LRMDA: variants seen among roughly 807,000 people sequenced by gnomAD.
LRMDA encodes leucine-rich melanocyte differentiation-associated protein.
A neutral mutation model predicts 29.8 loss-of-function variants in LRMDA; 18 were observed. The ratio of observed to expected loss-of-function variants is 0.60; its 90% confidence interval spans 0.42 to 0.90. LRMDA has a LOEUF of 0.90. Ranked by LOEUF, LRMDA falls within the 40% of genes least tolerant of loss-of-function variation. The pLI is 0.00. For synonymous variants in LRMDA, 125 were observed against 109.4 expected, an observed-to-expected ratio of 1.14 and a Z score of -0.89; for missense variants, 273 against 273.9, an observed-to-expected ratio of 1.00 and a Z score of 0.02.
intron 6 of LRMDA, among the ~76,000 whole-genome samples, chr10:76,402,601 G>A (rs1305849002): frequency 6.6e-6 from 1 of 152,000 alleles, no homozygotes; most frequent in African/African-American, 2.4e-5. Flanking sequence ...CAATCCTCCC[G>A]CCTTGATCAC....
chr10:75,547,993 C>T (rs559134339), intron 2 of LRMDA, among the ~76,000 whole-genome samples: 6 of 152,004 alleles, frequency 3.9e-5, no homozygotes, highest in East Asian at 1.9e-4. Flanking sequence ...TTTTATCAAG[C>T]GCTCTCCTAA....
intron 2 of LRMDA, among the ~76,000 whole-genome samples, chr10:75,754,004 C>T (rs1156267730): frequency 1.3e-5 from 2 of 152,188 alleles, no homozygotes; most frequent in East Asian, 3.8e-4. Flanking sequence ...TGAATTACGG[C>T]TATGGGAAGG....
chr10:76,430,557 G>A (rs1399527881), intron 6 of LRMDA, among the ~76,000 whole-genome samples: 1 of 152,164 alleles, frequency 6.6e-6, no homozygotes, highest in Admixed American at 6.6e-5. Context: ...GATTTCTCCA[G>A]GCAGGCAGGA....
chr10:76,359,904 T>C (rs186989167), intron 6 of LRMDA, among the ~76,000 whole-genome samples: 1 of 152,330 alleles, frequency 6.6e-6, no homozygotes, highest in Admixed American at 6.5e-5. Context: ...CCTTTGCTCA[T>C]GTACCATCAT....
intron 2 of LRMDA, among the ~76,000 whole-genome samples, chr10:75,948,822 G>T (rs1028625881): frequency 3.3e-5 from 5 of 152,188 alleles, no homozygotes; most frequent in African/African-American, 9.6e-5. Context: ...TGATGTTGGT[G>T]TCCGGTTGGT....
chr10:76,249,536 A>T (rs1852435243), intron 5 of LRMDA, among the ~76,000 whole-genome samples: 1 of 152,236 alleles, frequency 6.6e-6, no homozygotes, highest in African/African-American at 2.4e-5. Flanking sequence ...CTTTCTTAAT[A>T]TTAGAATGGA....
intron 6 of LRMDA, among the ~76,000 whole-genome samples, chr10:76,512,485 C>A (rs1843018062): frequency 6.6e-6 from 1 of 152,142 alleles, no homozygotes; most frequent in Admixed American, 6.5e-5. Context: ...AAAAGAACAA[C>A]CTTTTCGACA....
intron 2 of LRMDA, among the ~76,000 whole-genome samples, chr10:75,570,809 G>A (rs1840429164): frequency 6.6e-6 from 1 of 152,118 alleles, no homozygotes; most frequent in African/African-American, 2.4e-5. Flanking sequence ...TAAAATGTGG[G>A]AATCATATTA....
intron 2 of LRMDA, among the ~76,000 whole-genome samples, chr10:75,928,042 ACATCAT>A (rs3042520): frequency 0.014 from 2,036 of 150,804 alleles, 55 homozygotes; most frequent in African/African-American, 0.045. Flanking sequence ...TTTTAGTTTA[ACATCAT>A]CATCATCATC....
At chr10:75,694,660 TC>T (rs887639163) in intron 2 of LRMDA, among the ~76,000 whole-genome samples, 3 of 152,056 alleles carry the variant, frequency 2.0e-5, no homozygotes, top group African/African-American at 7.2e-5. Context: ...TTCACTTATC[TC>T]CCCCCATCTG....
chr10:76,156,364 A>G (rs948044560), intron 5 of LRMDA, among the ~76,000 whole-genome samples: 20 of 152,184 alleles, frequency 1.3e-4, no homozygotes, highest in African/African-American at 4.1e-4. Flanking sequence ...CTTCTATGAA[A>G]AAAACCGACT....
At chr10:76,361,649 C>T (rs1841314283) in intron 6 of LRMDA, among the ~76,000 whole-genome samples, 1 of 152,134 alleles carries the variant, frequency 6.6e-6, no homozygotes, top group Non-Finnish European at 1.5e-5. Context: ...CCCTATTCTA[C>T]TCCAATATGT....
intron 6 of LRMDA, among the ~76,000 whole-genome samples, chr10:76,384,209 A>T (rs985747105): frequency 6.6e-6 from 1 of 152,156 alleles, no homozygotes; most frequent in African/African-American, 2.4e-5. Flanking sequence ...CATTTTTCAT[A>T]TTAAAAAACA....
intron 5 of LRMDA, among the ~76,000 whole-genome samples, chr10:76,133,716 G>C (rs1471112982): frequency 6.6e-6 from 1 of 152,212 alleles, no homozygotes; most frequent in Admixed American, 6.5e-5. Context: ...ATTACTCGAC[G>C]ACATGTGGAA....
intron 5 of LRMDA, among the ~76,000 whole-genome samples, chr10:76,072,662 AT>A (rs2132070516): frequency 6.6e-6 from 1 of 152,318 alleles, no homozygotes; most frequent in Non-Finnish European, 1.5e-5. Flanking sequence ...GCATGGGAGA[AT>A]GGCAGAAGGA....
intron 2 of LRMDA, among the ~76,000 whole-genome samples, chr10:75,928,266 A>G (rs1589256425): frequency 8.4e-6 from 1 of 118,530 alleles, no homozygotes; most frequent in African/African-American, 3.4e-5. Flanking sequence ...AGTGGCTATG[A>G]TTATTATTTT....
chr10:76,130,873 G>A (rs1849979032), intron 5 of LRMDA, among the ~76,000 whole-genome samples: 1 of 152,042 alleles, frequency 6.6e-6, no homozygotes, highest in African/African-American at 2.4e-5. Context: ...ATGTTGGCCA[G>A]GCTTGTCTTA....
At chr10:75,611,523 C>T (rs1384795518) in intron 2 of LRMDA, among the ~76,000 whole-genome samples, 1 of 152,176 alleles carries the variant, frequency 6.6e-6, no homozygotes, top group Non-Finnish European at 1.5e-5. Context: ...GCTATTTCCC[C>T]ACTCCCCTCC....
chr10:75,714,016 C>T (rs1842468884), intron 2 of LRMDA, among the ~76,000 whole-genome samples: 1 of 152,130 alleles, frequency 6.6e-6, no homozygotes, highest in Non-Finnish European at 1.5e-5. Context: ...ACTTATTTCT[C>T]TCCTCCATAA....
Sources: allele counts gnomAD v4.1 joint callset (sites outside exome capture counted in the v4.1 genomes callset), GRCh38; gene constraint gnomAD v4.1.1; transcripts MANE v1.5; gene names NCBI Gene and HGNC (gene_info 2026-07-23, HGNC 2026-07-21).